Variants in DCAF5 observed in about 807,000 individuals in gnomAD.
The protein encoded by DCAF5 is DDB1- and CUL4-associated factor 5.
A neutral mutation model predicts 80.7 loss-of-function variants in DCAF5; 9 were observed. The ratio of observed to expected loss-of-function variants is 0.11; its 90% CI spans 0.07 to 0.19. The LOEUF is 0.19. Ranked by LOEUF, DCAF5 falls within the 10% of genes least tolerant of loss-of-function variation. The pLI is 1.00. For synonymous variants in DCAF5, 433 were observed against 461.9 expected, an observed-to-expected ratio of 0.94 and a Z score of 0.80; for missense variants, 842 against 1,205.7, an observed-to-expected ratio of 0.70 and a Z score of 4.47.
intron 1 of DCAF5, among the ~76,000 whole-genome samples, chr14:69,141,420 T>C (rs975314398): frequency 1.8e-4 from 27 of 152,228 alleles, no homozygotes; most frequent in African/African-American, 5.3e-4. Flanking sequence ...TTGTTACATA[T>C]GTATACATGT....
rs1566711969 is a variant in DCAF5 at position 69,053,828 on chromosome 14, T to C, written c.*29A>G. ...TTTTTTTTTTTTGTAAGGCTACTTTTGTAGCTTTTTGTTTTCCCTTTGTAT... is the reference window on the plus strand; with the variant it reads ...TTTTTTTTTTTTGTAAGGCTACTTTCGTAGCTTTTTGTTTTCCCTTTGTAT... On this transcript the variant is annotated 3_prime_UTR_variant, in exon 9 of 9. Coordinates refer to ENST00000341516, the MANE Select transcript of DCAF5 (RefSeq NM_003861.3). The C allele has an allele frequency of 6.4e-7, 1 of 1,559,304 alleles. No homozygotes were observed. Among genetic ancestry groups the C allele is most frequent in the Non-Finnish European group, 8.6e-7 (1 of 1,162,330 alleles).
At chr14:69,120,830 T>C (rs192473916) in intron 2 of DCAF5, among the ~76,000 whole-genome samples, 73 of 152,324 alleles carry the variant, frequency 4.8e-4, no homozygotes, top group African/African-American at 1.6e-3. Flanking sequence ...CCAATTGGAC[T>C]TGAGAACAGT....
chr14:69,091,548 G>T, intron 6 of DCAF5, 126 bp downstream of exon 6: 1 of 827,154 alleles, frequency 1.2e-6, no homozygotes, highest in Non-Finnish European at 1.9e-6. Context: ...ACATCTCCAG[G>T]CACTCACTGT....
intron 6 of DCAF5, among the ~76,000 whole-genome samples, chr14:69,088,305 G>A (rs1295095599): frequency 3.3e-5 from 5 of 152,180 alleles, no homozygotes; most frequent in Non-Finnish European, 7.3e-5. Context: ...TGTGACTTGT[G>A]ACCTCTCTGA....
chr14:69,067,582 C>T lies in DCAF5; in HGVS notation c.947-5071G>A, dbSNP rs557651382. Among the ~76,000 whole-genome samples, 216 of 151,772 alleles carry T rather than the reference C, an allele frequency of 1.4e-3. 5 individuals carry two copies. In the South Asian group the frequency reaches 0.028, roughly 20 times the overall value. On this transcript the variant is annotated intron_variant, in intron 7 of 8. Coordinates refer to ENST00000341516, the MANE Select transcript of DCAF5 (RefSeq NM_003861.3). The stretch of plus-strand genomic sequence containing the variant: ...CTGGTCTCAAACTCTTGGGCTCAAA[C>T]AATCCTCCTGCCTTGGCCCCCGGAA...
intron 1 of DCAF5, among the ~76,000 whole-genome samples, chr14:69,145,170 A>G (rs889890875): frequency 6.6e-6 from 1 of 152,124 alleles, no homozygotes; most frequent in South Asian, 2.1e-4. Flanking sequence ...GGTGCACGCC[A>G]CCATACCCAG....
At chr14:69,067,335 A>ATT (rs2038484571) in intron 7 of DCAF5, among the ~76,000 whole-genome samples, 1 of 110,356 alleles carries the variant, frequency 9.1e-6, no homozygotes, top group African/African-American at 3.6e-5. Context: ...CCGATTTCGT[A>ATT]TCTTTTTTTT....
chr14:69,075,727 G>A (rs1033030579), intron 6 of DCAF5, among the ~76,000 whole-genome samples: 3 of 152,066 alleles, frequency 2.0e-5, no homozygotes, highest in Admixed American at 6.5e-5. Context: ...CAGGTGATCC[G>A]CTGGCCTTGG....
intron 7 of DCAF5, among the ~76,000 whole-genome samples, chr14:69,067,093 C>G (rs7143028): frequency 0.022 from 3,367 of 152,264 alleles, 127 homozygotes; most frequent in African/African-American, 0.076. Context: ...GTTTATTGTT[C>G]ATTGTTTCCC....
intron 7 of DCAF5, among the ~76,000 whole-genome samples, chr14:69,065,667 A>AGTT (rs2038410242): frequency 1.3e-5 from 2 of 152,346 alleles, no homozygotes; most frequent in East Asian, 3.9e-4. Flanking sequence ...GCTACTGAAC[A>AGTT]GTTTACGTAC....
At chr14:69,092,754 C>T (rs2039577329) in intron 5 of DCAF5, among the ~76,000 whole-genome samples, 2 of 152,124 alleles carry the variant, frequency 1.3e-5, no homozygotes, top group African/African-American at 2.4e-5. Context: ...GTATTAAAGA[C>T]AATTCTTAAA....
chr14:69,060,030 G>A (rs2038146361), intron 8 of DCAF5, among the ~76,000 whole-genome samples: 1 of 152,108 alleles, frequency 6.6e-6, no homozygotes, highest in African/African-American at 2.4e-5. Flanking sequence ...ATCCCAGAGT[G>A]CACACTCAAG....
chr14:69,149,692 C>T (rs1036893494), intron 1 of DCAF5, among the ~76,000 whole-genome samples: 1 of 152,196 alleles, frequency 6.6e-6, no homozygotes, highest in African/African-American at 2.4e-5. Context: ...AACAATCTAT[C>T]ATTTTAATCA....
At chr14:69,083,464 T>C in intron 6 of DCAF5, 1 of 325,348 alleles carries the variant, frequency 3.1e-6, no homozygotes, top group South Asian at 3.3e-5. Flanking sequence ...ACTGCGGCAG[T>C]GGAACCTAAA....
intron 6 of DCAF5, 85 bp downstream of exon 6, chr14:69,091,589 G>A (rs1594979786): frequency 8.1e-7 from 1 of 1,229,048 alleles, no homozygotes; most frequent in Non-Finnish European, 1.2e-6. Flanking sequence ...CTGACATAAT[G>A]GTAATGAGAA....
intron 6 of DCAF5, chr14:69,084,701 T>A (rs1389733808): frequency 7.8e-7 from 1 of 1,285,986 alleles, no homozygotes; most frequent in Admixed American, 2.1e-5. Context: ...GAAATACCAC[T>A]ATGAGTTGCT....
At chr14:69,144,855 G>A (rs1294974889) in intron 1 of DCAF5, among the ~76,000 whole-genome samples, 3 of 152,068 alleles carry the variant, frequency 2.0e-5, no homozygotes, top group Non-Finnish European at 4.4e-5. Context: ...TTAGAGTCCC[G>A]ACAGCCAGAG....
Position 69,091,805 on chromosome 14 carries a change from C to A in DCAF5, c.748G>T (p.Ala250Ser). ...RFNSNGTQLL[A>S]LRRRLPPVLY... Reference sequence around the variant, plus strand: ...ACAGGGGGCAGGCGTCGCCTCAGGGCCAGGAGCTGGGTCCCGTTGCTGTTG... The same window carrying A: ...ACAGGGGGCAGGCGTCGCCTCAGGGACAGGAGCTGGGTCCCGTTGCTGTTG... Residue 250 changes from alanine (A) to serine (S), a missense_variant, in exon 6 of 9, where the codon GCC becomes TCC. Coordinates refer to ENST00000341516, the MANE Select transcript of DCAF5 (RefSeq NM_003861.3). The A allele has an allele frequency of 6.2e-7, 1 of 1,614,102 alleles. No homozygotes were observed. Among genetic ancestry groups the A allele is most frequent in the Non-Finnish European group, 8.5e-7 (1 of 1,180,010 alleles).
chr14:69,128,331 C>A (rs1360141730), intron 1 of DCAF5, among the ~76,000 whole-genome samples: 1 of 151,910 alleles, frequency 6.6e-6, no homozygotes, highest in Non-Finnish European at 1.5e-5. Context: ...GGACTACAGG[C>A]AAGCACCACC....
Sources: allele counts gnomAD v4.1 joint callset (sites outside exome capture counted in the v4.1 genomes callset), GRCh38; gene constraint gnomAD v4.1.1; transcripts MANE v1.5; gene names NCBI Gene and HGNC (gene_info 2026-07-23, HGNC 2026-07-21).